IL1RAPL1: variants seen among roughly 807,000 people sequenced by gnomAD.
IL1RAPL1 encodes interleukin-1 receptor accessory protein-like 1.
IL1RAPL1 carries 3 observed loss-of-function variants against 48.4 expected under a neutral mutation model. That is an observed-to-expected ratio of 0.06 (90% CI 0.03 to 0.16). IL1RAPL1 has a LOEUF of 0.16. Among genes scored for constraint, IL1RAPL1 ranks in the 10% least tolerant of loss-of-function variants. IL1RAPL1 has a pLI of 1.00. For missense variants in IL1RAPL1, 349 were observed against 530.6 expected, an observed-to-expected ratio of 0.66 and a Z score of 3.36; for synonymous variants, 185 against 187.7, an observed-to-expected ratio of 0.99 and a Z score of 0.12.
chrX:29,169,548 G>A (rs1285721478), intron 2 of IL1RAPL1, among the ~76,000 whole-genome samples: 2 of 110,697 alleles, frequency 1.8e-5, no homozygotes, highest in African/African-American at 6.5e-5. Flanking sequence ...AAAATCTTCA[G>A]TGACTCCAAA....
At chrX:29,170,535 A>G (rs896417565) in intron 2 of IL1RAPL1, among the ~76,000 whole-genome samples, 7 of 111,724 alleles carry the variant, frequency 6.3e-5, no homozygotes, top group African/African-American at 2.3e-4. Context: ...AGATAATACA[A>G]ACCTTGTCAG....
intron 2 of IL1RAPL1, among the ~76,000 whole-genome samples, chrX:29,104,450 A>G (rs1290501168): frequency 9.0e-6 from 1 of 111,360 alleles, no homozygotes; most frequent in Non-Finnish European, 1.9e-5. Context: ...GATAGAGAGT[A>G]GAATGATGGT....
At chrX:29,116,016 C>T (rs781474957) in intron 2 of IL1RAPL1, among the ~76,000 whole-genome samples, 5 of 110,896 alleles carry the variant, frequency 4.5e-5, no homozygotes, top group Non-Finnish European at 7.6e-5. Flanking sequence ...AATTAAGAAC[C>T]TTTATGAATA....
At chrX:29,664,580 C>A (rs766620793) in intron 5 of IL1RAPL1, among the ~76,000 whole-genome samples, 2 of 111,319 alleles carry the variant, frequency 1.8e-5, no homozygotes, top group Non-Finnish European at 3.8e-5. Flanking sequence ...CTTTTAAAGG[C>A]GTGATTGTTC....
chrX:29,885,761 G>C (rs766206938), intron 6 of IL1RAPL1, among the ~76,000 whole-genome samples: 27 of 111,841 alleles, frequency 2.4e-4, no homozygotes, highest in Admixed American at 8.5e-4. Context: ...CGAGGATGCA[G>C]GGAACTATGA....
At chrX:28,706,935 C>T (rs1220834279) in intron 1 of IL1RAPL1, among the ~76,000 whole-genome samples, 1 of 112,062 alleles carries the variant, frequency 8.9e-6, no homozygotes, top group Non-Finnish European at 1.9e-5. Context: ...AAAGAAATGA[C>T]TGTCTTCATA....
At chrX:28,646,079 A>G (rs1339006263) in intron 1 of IL1RAPL1, among the ~76,000 whole-genome samples, 1 of 112,048 alleles carries the variant, frequency 8.9e-6, no homozygotes, top group Non-Finnish European at 1.9e-5. Flanking sequence ...GTGGTCCCCA[A>G]CCTTTTAGGC....
At chrX:28,972,644 C>T (rs1925110701) in intron 2 of IL1RAPL1, among the ~76,000 whole-genome samples, 2 of 111,026 alleles carry the variant, frequency 1.8e-5, no homozygotes, top group Non-Finnish European at 3.8e-5. Flanking sequence ...GAGGCTGAGG[C>T]GGGAGAATGG....
intron 6 of IL1RAPL1, among the ~76,000 whole-genome samples, chrX:29,892,039 A>G (rs982204124): frequency 8.9e-6 from 1 of 112,111 alleles, no homozygotes; most frequent in African/African-American, 3.2e-5. Context: ...TAATATATAC[A>G]TTTCCAAAAG....
At chrX:29,157,400 A>T (rs1292099120) in intron 2 of IL1RAPL1, among the ~76,000 whole-genome samples, 2 of 111,999 alleles carry the variant, frequency 1.8e-5, no homozygotes, top group Non-Finnish European at 3.8e-5. Context: ...GTAATTCAGT[A>T]ATAAGGGAAA....
chrX:29,888,685 G>A (rs867545974), intron 6 of IL1RAPL1, among the ~76,000 whole-genome samples: 77 of 110,206 alleles, frequency 7.0e-4, no homozygotes, highest in African/African-American at 1.3e-3. Flanking sequence ...AAAATTCCTC[G>A]CCAACTATTT....
rs1453848555 is a variant in IL1RAPL1 at position 28,722,911 on chromosome X, G to A, written c.-24-66409G>A. On this transcript the variant is annotated intron_variant, in intron 1 of 10. Coordinates refer to ENST00000378993, the MANE Select transcript of IL1RAPL1 (RefSeq NM_014271.4). ...GGATTACGTTTATTGATTTGCGTATGTTGAACCAGCCTTGCACCCCAGGGA... is the reference window on the plus strand; with the variant it reads ...GGATTACGTTTATTGATTTGCGTATATTGAACCAGCCTTGCACCCCAGGGA... Among the ~76,000 whole-genome samples the A allele has an allele frequency of 3.6e-5, 4 of 111,387 alleles. No homozygotes were observed. The Middle Eastern group carries it at 0.014, about 389-fold the overall frequency.
chrX:29,630,898 G>A (rs1480487827), intron 5 of IL1RAPL1, among the ~76,000 whole-genome samples: 1 of 112,203 alleles, frequency 8.9e-6, no homozygotes, highest in East Asian at 2.8e-4. Context: ...TATCTTTTTT[G>A]ACATATTAAA....
chrX:29,773,107 A>G (rs1460129467), intron 6 of IL1RAPL1, among the ~76,000 whole-genome samples: 1 of 112,580 alleles, frequency 8.9e-6, no homozygotes, highest in Non-Finnish European at 1.9e-5. Flanking sequence ...AACTTCACTG[A>G]AATTCTGAGG....
At chrX:29,762,104 T>A (rs1928766229) in intron 6 of IL1RAPL1, among the ~76,000 whole-genome samples, 1 of 111,879 alleles carries the variant, frequency 8.9e-6, no homozygotes, top group African/African-American at 3.2e-5. Flanking sequence ...AAGAACAAAT[T>A]GAAATTGACC....
intron 6 of IL1RAPL1, among the ~76,000 whole-genome samples, chrX:29,705,233 G>A (rs754576171): frequency 7.8e-4 from 87 of 111,256 alleles, no homozygotes; most frequent in African/African-American, 2.8e-3. Flanking sequence ...TGTTTGTTTT[G>A]AGACAGAGTC....
At chrX:29,339,880 C>T (rs1368309786) in intron 3 of IL1RAPL1, among the ~76,000 whole-genome samples, 5 of 111,759 alleles carry the variant, frequency 4.5e-5, no homozygotes, top group African/African-American at 1.6e-4. Flanking sequence ...GAAGAGTACT[C>T]ACTAGGTATT....
At chrX:29,415,622 T>G (rs1200781373) in intron 5 of IL1RAPL1, among the ~76,000 whole-genome samples, 1 of 111,217 alleles carries the variant, frequency 9.0e-6, no homozygotes, top group Admixed American at 9.6e-5. Context: ...GGTTTCACCG[T>G]TTTAGTCAGG....
chrX:29,342,042 C>T (rs1205862818), intron 3 of IL1RAPL1, among the ~76,000 whole-genome samples: 6 of 109,769 alleles, frequency 5.5e-5, no homozygotes, highest in Admixed American at 2.9e-4. Flanking sequence ...CTCCTGACCT[C>T]GTGATCCACC....
Sources: allele counts gnomAD v4.1 joint callset (sites outside exome capture counted in the v4.1 genomes callset), GRCh38; gene constraint gnomAD v4.1.1; transcripts MANE v1.5; gene names NCBI Gene and HGNC (gene_info 2026-07-23, HGNC 2026-07-21).